Variants in TNIP3 observed in about 807,000 individuals in gnomAD.
The protein encoded by TNIP3 is TNFAIP3-interacting protein 3.
In TNIP3, 34 loss-of-function variants were observed where a neutral mutation model predicts 54.1. That is an observed-to-expected ratio of 0.63 (90% CI 0.48 to 0.84). The LOEUF is 0.84. Ranked by LOEUF, TNIP3 falls within the 40% of genes least tolerant of loss-of-function variation. The pLI, the probability that TNIP3 is intolerant of heterozygous loss-of-function variation, is 0.00. For missense variants in TNIP3, 366 were observed against 387.6 expected, an observed-to-expected ratio of 0.94 and a Z score of 0.47; for synonymous variants, 134 against 136.8, an observed-to-expected ratio of 0.98 and a Z score of 0.14.
At chr4:121,208,358 C>CT (rs1461736061) in intron 2 of TNIP3, among the ~76,000 whole-genome samples, 1 of 152,160 alleles carries the variant, frequency 6.6e-6, no homozygotes, top group Non-Finnish European at 1.5e-5. Context: ...ACCCTGAACT[C>CT]AATGTGTCGG....
At chr4:121,182,854 G>A in intron 2 of TNIP3, 4 of 1,511,948 alleles carry the variant, frequency 2.6e-6, no homozygotes, top group African/African-American at 1.4e-5. Flanking sequence ...AATTATTCAG[G>A]CGTAGAGTGA....
rs143061800 is a variant in TNIP3 at position 121,163,746 on chromosome 4, A to G, written c.66+314T>C. 5.1e-3 allele frequency among the ~76,000 whole-genome samples: 773 copies of G among 152,304 alleles called. 10 individuals carry two copies. Among genetic ancestry groups the G allele is most frequent in the Admixed American group, 0.015 (224 of 15,292 alleles). ...TTACTACAGATACTCTATTGTTACAATATGTTCTATTTCTACCTACACCAA... is the reference window on the plus strand; with the variant it reads ...TTACTACAGATACTCTATTGTTACAGTATGTTCTATTTCTACCTACACCAA... On this transcript the variant is annotated intron_variant, in intron 1 of 10. Transcript: ENST00000057513.
At chr4:121,208,317 A>G (rs535153102) in intron 2 of TNIP3, among the ~76,000 whole-genome samples, 2 of 152,336 alleles carry the variant, frequency 1.3e-5, no homozygotes, top group South Asian at 2.1e-4. Flanking sequence ...TAACATCACT[A>G]TTGTAAAACC....
intron 2 of TNIP3, among the ~76,000 whole-genome samples, chr4:121,213,587 C>G (rs986700557): frequency 4.0e-5 from 6 of 151,598 alleles, no homozygotes; most frequent in Non-Finnish European, 8.8e-5. Flanking sequence ...ATTAGCCGGG[C>G]GTGGTGGCGG....
chr4:121,211,373 A>G (rs1406502450), intron 2 of TNIP3, among the ~76,000 whole-genome samples: 1 of 152,246 alleles, frequency 6.6e-6, no homozygotes, highest in Non-Finnish European at 1.5e-5. Context: ...CTCATATTTG[A>G]ACAGAGACAT....
intron 3 of TNIP3, among the ~76,000 whole-genome samples, chr4:121,158,276 A>ACCT (rs1730230392): frequency 6.6e-6 from 1 of 152,192 alleles, no homozygotes; most frequent in Admixed American, 6.5e-5. Context: ...TATTTGTGGA[A>ACCT]AATAGGTCAT....
At chr4:121,156,149 G>A (rs1289598860) in intron 4 of TNIP3, among the ~76,000 whole-genome samples, 4 of 152,182 alleles carry the variant, frequency 2.6e-5, no homozygotes, top group Admixed American at 6.5e-5. Context: ...AGCAAGATAG[G>A]AAAACCTGGA....
At chr4:121,207,451 T>C (rs1387374290) in intron 2 of TNIP3, among the ~76,000 whole-genome samples, 1 of 152,224 alleles carries the variant, frequency 6.6e-6, no homozygotes, top group African/African-American at 2.4e-5. Flanking sequence ...TAAATGTTAA[T>C]GGATTAGGCA....
At chr4:121,172,866 C>CAAG (rs1724049342) in intron 3 of TNIP3, among the ~76,000 whole-genome samples, 1 of 152,076 alleles carries the variant, frequency 6.6e-6, no homozygotes, top group Admixed American at 6.5e-5. Flanking sequence ...AGCTAGAGGT[C>CAAG]CTAGAATGGA....
intron 2 of TNIP3, among the ~76,000 whole-genome samples, chr4:121,189,052 A>G (rs941771257): frequency 2.0e-5 from 3 of 152,236 alleles, no homozygotes; most frequent in African/African-American, 7.2e-5. Flanking sequence ...ATTACATTCA[A>G]TAGGAAAAAC....
chr4:121,194,643 C>T (rs1289357274), intron 2 of TNIP3, among the ~76,000 whole-genome samples: 1 of 152,132 alleles, frequency 6.6e-6, no homozygotes, highest in Non-Finnish European at 1.5e-5. Context: ...ATACTCCCAT[C>T]ATAATATTTA....
upstream of TNIP3, among the ~76,000 whole-genome samples, chr4:121,166,118 T>C (rs1730754615): frequency 6.6e-6 from 1 of 152,172 alleles, no homozygotes; most frequent in South Asian, 2.1e-4. Context: ...GCCTCTTGAG[T>C]CTCCCCTGTA....
rs960653839 is a variant in TNIP3, at chr4:121,156,653, A to G, written c.363+441T>C. Among the ~76,000 whole-genome samples, 3 of 152,352 alleles carry G rather than the reference A, an allele frequency of 2.0e-5. No individual in the cohort carries two copies. In the South Asian group the frequency reaches 6.2e-4, roughly 32 times the overall value. On this transcript the variant is annotated intron_variant, in intron 4 of 10. Transcript: ENST00000057513. ...TATGGTGACAGAAGTAAGACCTCAT[A>G]TATAAATCTCTCTGTAAGCTTGAAA...
At chr4:121,144,780 C>CAGGT (rs1729335892) in intron 7 of TNIP3, among the ~76,000 whole-genome samples, 3 of 152,104 alleles carry the variant, frequency 2.0e-5, no homozygotes. Flanking sequence ...ATTTTACAGG[C>CAGGT]AGGTATACTA....
rs565946823 is a variant in TNIP3 at position 121,200,000 on chromosome 4, G to A, written c.68+16415C>T. On this transcript the variant is annotated intron_variant, in intron 2 of 12. Transcript: ENST00000507879. ...TTACACAAAGGCACTACACAAGCTA[G>A]CATTGTCCTGGGAACTGCATCCCCT... is the stretch of plus-strand genomic sequence containing the variant. Among the ~76,000 whole-genome samples the A allele has an allele frequency of 5.3e-5, 8 of 152,252 alleles. No individual in the cohort carries two copies. The East Asian group carries it at 1.2e-3, about 22-fold the overall frequency.
rs1254497252 is a variant in TNIP3 at position 121,132,287 on chromosome 4, GCAAA to G, written c.*340_*343del. 3.9e-6 allele frequency: 1 copy of G among 258,542 alleles called. No homozygotes were observed. The highest frequency in any genetic ancestry group is 7.4e-6 in the Non-Finnish European group (1 of 135,738). 16.0% of individuals were successfully genotyped at this position (258,542 alleles called of 1,614,324 possible). On this transcript the variant is annotated 3_prime_UTR_variant, in exon 11 of 11. Transcript: ENST00000057513. ...TAAATCAACATACAATATCCCTGCA[GCAAA>G]CACTGAGTTGCCTAAATCATAGAAT...
chr4:121,181,538 C>T (rs541862231), intron 3 of TNIP3, among the ~76,000 whole-genome samples: 1 of 152,188 alleles, frequency 6.6e-6, no homozygotes, highest in South Asian at 2.1e-4. Flanking sequence ...GCAGAAAGCA[C>T]ACAACACTGT....
intron 4 of TNIP3, 147 bp downstream of exon 4, chr4:121,156,947 A>T (rs1560652846): frequency 1.4e-5 from 13 of 918,364 alleles, no homozygotes; most frequent in Non-Finnish European, 2.1e-5. Context: ...GCTCTTGGGG[A>T]CTTGCGTAAC....
At chr4:121,207,323 C>T (rs1726243850) in intron 2 of TNIP3, among the ~76,000 whole-genome samples, 1 of 152,098 alleles carries the variant, frequency 6.6e-6, no homozygotes, top group Non-Finnish European at 1.5e-5. Flanking sequence ...AAAGCAGAAA[C>T]TTCTAAATTA....
Sources: gnomAD v4.1 joint callset for allele counts (sites outside exome capture counted in the v4.1 genomes callset) on GRCh38, gnomAD v4.1.1 for gene constraint, MANE v1.5 for transcripts, NCBI Gene and HGNC (gene_info 2026-07-23, HGNC 2026-07-21) for gene names.